The following BAK1 variants were observed in gnomAD, a reference collection of about 807,000 sequenced individuals.
BAK1 encodes the protein bcl-2 homologous antagonist/killer.
BAK1 carries 19 observed loss-of-function variants against 24.7 expected under a neutral mutation model. The ratio of observed to expected loss-of-function variants is 0.77; its 90% CI spans 0.54 to 1.13. The LOEUF (loss-of-function observed/expected upper bound fraction) is 1.13, where lower values mean the gene tolerates loss of function less well. Ranked by LOEUF, BAK1 falls within the 50% of genes most tolerant of loss-of-function variation. BAK1 has a pLI of 0.00. For synonymous variants in BAK1, 86 were observed against 107.3 expected, an observed-to-expected ratio of 0.80 and a Z score of 1.23; for missense variants, 194 against 279.4, an observed-to-expected ratio of 0.69 and a Z score of 2.18.
rs1378978637 is a variant in BAK1, at chr6:33,578,622, G to A, written c.-31-987C>T. On this transcript the variant is annotated intron_variant, in intron 1 of 5. Coordinates refer to ENST00000374467, the MANE Select transcript of BAK1 (RefSeq NM_001188.4). This position sits in a 1 kb window ranked among gnomAD's most constrained non-coding sequence, Gnocchi z 4.8. ...TCTTTGAAGCCCCATAACCTGCCTC[G>A]TACTCCCACCACACACCTGGTCTTC... 5.9e-5 allele frequency among the ~76,000 whole-genome samples: 9 copies of A among 152,190 alleles called. No individual in the cohort carries two copies. The highest frequency in any genetic ancestry group is 3.9e-4 in the East Asian group (2 of 5,176).
rs1762914377 is a variant in BAK1 at position 33,580,223 on chromosome 6, A to C, written c.-230T>G. On this transcript the variant is annotated 5_prime_UTR_variant, in exon 1 of 6. Coordinates refer to ENST00000374467, the MANE Select transcript of BAK1 (RefSeq NM_001188.4). ...ACCCGCGAGACTCCAGTGATCATAG[A>C]GGTGCCAGCGGCACCCGGCTCCAAT... The C allele has an allele frequency of 6.6e-6, 1 of 152,192 alleles. No individual in the cohort carries two copies. The highest frequency in any genetic ancestry group is 6.5e-5 in the Admixed American group (1 of 15,268). 9.4% of individuals were successfully genotyped at this position (152,192 alleles called of 1,614,324 possible).
intron 2 of BAK1, among the ~76,000 whole-genome samples, chr6:33,576,308 G>T (rs1217127525): frequency 2.3e-5 from 3 of 130,978 alleles, no homozygotes; most frequent in African/African-American, 8.9e-5. Flanking sequence ...TCCAGCCTAG[G>T]CAACAAGAGC....
chr6:33,574,568 T>A (rs1336497526), intron 4 of BAK1: 1 of 1,342,488 alleles, frequency 7.4e-7, no homozygotes, highest in Non-Finnish European at 9.8e-7. Context: ...ACAGAAAAGA[T>A]TAGGGTAGTT....
In BAK1 at chr6:33,573,839, C is replaced by G. The variant is rs200704036; in HGVS notation, c.600G>C (p.Leu200Phe). 1 of 1,614,202 alleles carries G rather than the reference C, an allele frequency of 6.2e-7. No individual in the cohort carries two copies. The highest frequency in any genetic ancestry group is 2.2e-5 in the East Asian group (1 of 44,884). The change falls in exon 6 of 6, where the codon TTG (leucine) becomes TTC (phenylalanine). Residue 200 changes from leucine (L) to phenylalanine (F), a missense_variant. Transcript: ENST00000374467. ...AGAATCTTCGTACCACAAACTGGCCCAACAGAACCACACCCAGAACCACCA... is the reference window on the plus strand; with the variant it reads ...AGAATCTTCGTACCACAAACTGGCCGAACAGAACCACACCCAGAACCACCA... ...NVLVVLGVVL[L>F]GQFVVRRFFK...
Position 33,575,757 on chromosome 6 carries a change from G to A in BAK1, c.206+36C>T. 1.2e-6 allele frequency: 2 copies of A among 1,606,970 alleles called. No homozygotes were observed. Among genetic ancestry groups the A allele is most frequent in the Non-Finnish European group, 1.7e-6 (2 of 1,176,312 alleles). The stretch of plus-strand genomic sequence containing the variant: ...GACCCATGCGAGCTACTGCCTCCCT[G>A]AAGATGTCCTTGTGGGCCCAGCGGT... On this transcript the variant is annotated intron_variant, in intron 3 of 5. Transcript: ENST00000374467. The surrounding 1 kb of genome is among the most constrained non-coding windows in gnomAD (Gnocchi z 6.3).
Position 33,575,218 on chromosome 6 carries a change from A to C in BAK1, c.350+80T>G. 1.3e-6 allele frequency: 2 copies of C among 1,587,690 alleles called. No homozygotes were observed. Among genetic ancestry groups the C allele is most frequent in the Middle Eastern group, 1.7e-4 (1 of 6,026 alleles). ...AGAAGGCTTCTCCCCATGCCAGGAG[A>C]GCATCATGCAGGCAGGGTATGGTAT... On this transcript the variant is annotated intron_variant, in intron 4 of 5. Transcript: ENST00000374467. The surrounding 1 kb of genome is among the most constrained non-coding windows in gnomAD (Gnocchi z 6.3).
Position 33,573,699 on chromosome 6 carries a change from T to G in BAK1, c.*104A>C. 1 of 894,374 alleles carries G rather than the reference T, an allele frequency of 1.1e-6. No homozygotes were observed. The highest frequency in any genetic ancestry group is 2.3e-5 in the Admixed American group (1 of 42,722). 55.4% of individuals were successfully genotyped at this position (894,374 alleles called of 1,614,324 possible). ...TGGAGTGCACACTTGCTAAAGCTTCTGTACTCTTGAGGGGGGACCCCTGCA... is the reference window on the plus strand; with the variant it reads ...TGGAGTGCACACTTGCTAAAGCTTCGGTACTCTTGAGGGGGGACCCCTGCA... On this transcript the variant is annotated 3_prime_UTR_variant, in exon 6 of 6. Transcript: ENST00000374467.
Position 33,574,087 on chromosome 6 carries a change from C to A in BAK1, c.478G>T (p.Asp160Tyr), listed in dbSNP as rs1417013867. The A allele has an allele frequency of 3.1e-6, 5 of 1,614,110 alleles. No homozygotes were observed. In the African/African-American group the frequency reaches 6.7e-5, roughly 22 times the overall value. ...FLGQVTRFVV[D>Y]FMLHHCIARW... is the part of the protein sequence containing the mutation. ...GCAATGCAGTGATGCAGCATGAAGT[C>A]GACCACGAAGCGGGTCACCTGGCCT... The change falls in exon 5 of 6, where the codon GAC becomes TAC. Residue 160 changes from aspartate (D) to tyrosine (Y), a missense_variant. Physicochemically the swap from Asp to Tyr is radical, Grantham distance 160 (BLOSUM62 -3). Transcript: ENST00000374467.
intron 5 of BAK1, 23 bp downstream of exon 5, chr6:33,574,011 C>T (rs1265905222): frequency 3.7e-6 from 6 of 1,613,204 alleles, no homozygotes. Context: ...GCAGGGAGGA[C>T]ATTGCAGTCC....
At position 33,575,401 on chromosome 6, in the gene BAK1, C is replaced by T. The variant is rs769426436; in HGVS notation, c.247G>A (p.Asp83Asn). ...GAGTCATAGCGTCGGTTGATGTCGT[C>T]CCCGATGATGGCGAGCTGCCGTCCC... ...QVGRQLAIIG[D>N]DINRRYDSEF... Residue 83 changes from aspartate to asparagine, a missense_variant, in exon 4 of 6, where the codon GAC (aspartate) becomes AAC (asparagine). Physicochemically the swap from Asp to Asn is conservative, Grantham distance 23. Transcript: ENST00000374467. The surrounding 1 kb of genome is among the most constrained non-coding windows in gnomAD (Gnocchi z 6.3). The T allele has an allele frequency of 8.7e-6, 14 of 1,614,030 alleles. No homozygotes were observed. The highest frequency in any genetic ancestry group is 2.7e-5 in the African/African-American group (2 of 74,900).
chr6:33,574,247 G>A, intron 4 of BAK1, 33 bp from the exon 5 acceptor site: 1 of 1,598,900 alleles, frequency 6.3e-7, no homozygotes, highest in Non-Finnish European at 8.6e-7. Flanking sequence ...CATTGGTGGA[G>A]AGCCCCCAGG....
Position 33,575,576 on chromosome 6 carries a change from T to C in BAK1, c.207-135A>G. The C allele has an allele frequency of 7.4e-7, 1 of 1,352,560 alleles. No homozygotes were observed. Among genetic ancestry groups the C allele is most frequent in the Non-Finnish European group, 1.0e-6 (1 of 979,698 alleles). 83.8% of individuals were successfully genotyped at this position (1,352,560 alleles called of 1,614,324 possible). A position where few individuals can be genotyped will look rare whatever the true frequency, so the allele number is the denominator to read the frequency against. On this transcript the variant is annotated intron_variant, in intron 3 of 5. Transcript: ENST00000374467. This position sits in a 1 kb window ranked among gnomAD's most constrained non-coding sequence, Gnocchi z 6.3. ...TTCTTGGAGGTCCCTGACAGTGTTC[T>C]AAGACATGAGTGCTGGGCTCCAGGA...
chr6:33,574,283 C>T (rs887311542), intron 4 of BAK1, 69 bp from the exon 5 acceptor site: 3 of 1,560,718 alleles, frequency 1.9e-6, no homozygotes, highest in Non-Finnish European at 2.6e-6. Context: ...CCTGGCCTCT[C>T]CCACCCCTCT....
Position 33,574,037 on chromosome 6 carries a change from G to C in BAK1, c.528C>G (p.Gly176=), listed in dbSNP as rs756132444. 6.2e-7 allele frequency: 1 copy of C among 1,613,838 alleles called. No homozygotes were observed. Among genetic ancestry groups the C allele is most frequent in the Non-Finnish European group, 8.5e-7 (1 of 1,179,756 alleles). Residue 176 remains glycine, a synonymous_variant, in exon 5 of 6, where the codon GGC becomes GGG. Coordinates refer to ENST00000374467, the MANE Select transcript of BAK1 (RefSeq NM_001188.4). ...ATTGCAGTCCTTGGATACTCACCCA[G>C]CCACCCCTCTGTGCAATCCACCGGG... is the stretch of plus-strand genomic sequence containing the variant. The part of the protein sequence containing the change: ...CIARWIAQRG[G]WVAALNLGNG...
At chr6:33,579,300 T>C (rs960562087) in intron 1 of BAK1, among the ~76,000 whole-genome samples, 2 of 152,080 alleles carry the variant, frequency 1.3e-5, no homozygotes, top group African/African-American at 4.8e-5. Flanking sequence ...CAGCCGAGAT[T>C]GCGCCACTGC....
Position 33,573,887 on chromosome 6 carries a change from G to A in BAK1, c.552C>T (p.Gly184=). Residue 184 remains glycine (G), a synonymous_variant, in exon 6 of 6, where the codon GGC becomes GGT. Coordinates refer to ENST00000374467, the MANE Select transcript of BAK1 (RefSeq NM_001188.4). ...RGGWVAALNL[G]NGPILNVLVV... ...CCAGCACGTTCAGGATGGGACCATT[G>A]CCCAAGTTCAGGGCTGCCACCTGCC... 6.2e-7 allele frequency: 1 copy of A among 1,614,200 alleles called. No homozygotes were observed. Among genetic ancestry groups the A allele is most frequent in the Non-Finnish European group, 8.5e-7 (1 of 1,180,034 alleles).
chr6:33,579,373 G>T (rs1173025280), intron 1 of BAK1, among the ~76,000 whole-genome samples: 2 of 151,968 alleles, frequency 1.3e-5, no homozygotes, highest in Admixed American at 6.6e-5. Flanking sequence ...AGTTTTGCTT[G>T]CCTCCCACCC....
intron 4 of BAK1, 37 bp from the exon 5 acceptor site, chr6:33,574,251 C>T: frequency 6.3e-7 from 1 of 1,596,098 alleles, no homozygotes; most frequent in South Asian, 1.1e-5. Flanking sequence ...GGTGGAGAGC[C>T]CCCAGGAAGC....
intron 2 of BAK1, among the ~76,000 whole-genome samples, chr6:33,576,365 T>C (rs1357042652): frequency 5.7e-5 from 8 of 140,696 alleles, no homozygotes; most frequent in Non-Finnish European, 9.0e-5. Flanking sequence ...GTGTGGTGGC[T>C]CATGCCTGTA....
Sources: gnomAD v4.1 joint callset for allele counts (sites outside exome capture counted in the v4.1 genomes callset) on GRCh38, gnomAD v4.1.1 for gene constraint, Gnocchi (gnomAD v3.1) non-coding constraint, MANE v1.5 for transcripts, NCBI Gene and HGNC (gene_info 2026-07-23, HGNC 2026-07-21) for gene names.